ZNF407: variants seen among roughly 807,000 people sequenced by gnomAD.
The protein encoded by ZNF407 is zinc finger protein 407.
ZNF407 carries 17 observed loss-of-function variants against 131.2 expected under a neutral mutation model. The ratio of observed to expected loss-of-function variants is 0.13; its 90% CI spans 0.09 to 0.19. The LOEUF (loss-of-function observed/expected upper bound fraction) is 0.19. ZNF407 is among the 10% of genes least tolerant of loss of function. The pLI, the probability that ZNF407 is intolerant of heterozygous loss-of-function variation, is 1.00. For missense variants in ZNF407, 2,681 were observed against 2,830.6 expected, an observed-to-expected ratio of 0.95 and a Z score of 1.20; for synonymous variants, 1,156 against 1,062.0, an observed-to-expected ratio of 1.09 and a Z score of -1.72.
At chr18:75,040,391 TA>T (rs1031238788) in intron 8 of ZNF407, among the ~76,000 whole-genome samples, 18 of 152,134 alleles carry the variant, frequency 1.2e-4, no homozygotes, top group Non-Finnish European at 2.2e-4. Context: ...TTTAATATAC[TA>T]AAAAAAGATA....
intron 3 of ZNF407, among the ~76,000 whole-genome samples, chr18:74,725,495 T>C (rs1028487892): frequency 2.0e-5 from 3 of 152,224 alleles, no homozygotes; most frequent in Non-Finnish European, 4.4e-5. Flanking sequence ...CTTTAGTATA[T>C]CACTTTTTTT....
intron 8 of ZNF407, among the ~76,000 whole-genome samples, chr18:74,999,070 C>T (rs1290248460): frequency 1.2e-3 from 31 of 25,740 alleles, no homozygotes; most frequent in African/African-American, 5.1e-3. Context: ...AAATTGGAAA[C>T]CATCATTCTC....
chr18:74,752,587 A>G (rs974116076), intron 3 of ZNF407, among the ~76,000 whole-genome samples: 5 of 152,168 alleles, frequency 3.3e-5, no homozygotes, highest in African/African-American at 1.2e-4. Context: ...TCAGCTTTCT[A>G]CATATGGCTA....
intron 4 of ZNF407, among the ~76,000 whole-genome samples, chr18:74,855,998 C>T (rs942675116): frequency 1.3e-5 from 2 of 152,210 alleles, no homozygotes; most frequent in Non-Finnish European, 2.9e-5. Context: ...AGAGTCTTCC[C>T]TTTTGTTTAC....
At chr18:74,951,464 A>G (rs1049810489) in intron 8 of ZNF407, among the ~76,000 whole-genome samples, 6 of 152,326 alleles carry the variant, frequency 3.9e-5, no homozygotes, top group African/African-American at 1.4e-4. Flanking sequence ...ACTGAGCGTG[A>G]GTTCTCAGTA....
intron 3 of ZNF407, among the ~76,000 whole-genome samples, chr18:74,665,439 C>T (rs1254657720): frequency 6.6e-6 from 1 of 152,148 alleles, no homozygotes; most frequent in African/African-American, 2.4e-5. Context: ...GATCACCTTC[C>T]TCCCTTAAAA....
chr18:75,064,029 C>T lies in ZNF407; in HGVS notation c.6308C>T (p.Thr2103Ile), dbSNP rs754828472. ...AAGQLVKDGVTQVVVSEEGAV... is the reference protein window; with the variant it reads ...AAGQLVKDGVIQVVVSEEGAV... ...GGCCAGTTGGTCAAGGACGGTGTCA[C>T]CCAGGTGGTGGTGAGCGAAGAGGGT... is the stretch of plus-strand genomic sequence containing the variant. The change falls in exon 9 of 9, where the codon ACC (threonine) becomes ATC (isoleucine). Residue 2103 changes from threonine to isoleucine, a missense_variant. This residue lies in a region of ZNF407 where 620 missense variants were observed against 583.1 expected (regional missense o/e 1.06). Transcript: ENST00000299687. 1.9e-6 allele frequency: 3 copies of T among 1,604,142 alleles called. No homozygotes were observed. Among genetic ancestry groups the T allele is most frequent in the Non-Finnish European group, 2.6e-6 (3 of 1,175,922 alleles).
intron 8 of ZNF407, among the ~76,000 whole-genome samples, chr18:75,013,820 T>C (rs1973012286): frequency 6.6e-6 from 1 of 152,156 alleles, no homozygotes; most frequent in Non-Finnish European, 1.5e-5. Context: ...CTTATGTTTT[T>C]ATCTGCTGTG....
intron 3 of ZNF407, among the ~76,000 whole-genome samples, chr18:74,696,263 A>G (rs1967353683): frequency 6.6e-6 from 1 of 152,200 alleles, no homozygotes; most frequent in Non-Finnish European, 1.5e-5. Flanking sequence ...TGGTAGTTTC[A>G]AAAATTAAAC....
chr18:74,986,761 G>A (rs1465655405), intron 8 of ZNF407, among the ~76,000 whole-genome samples: 1 of 152,130 alleles, frequency 6.6e-6, no homozygotes, highest in African/African-American at 2.4e-5. Context: ...ACACACAAAC[G>A]CACACACACT....
chr18:74,712,124 G>C (rs559379027), intron 3 of ZNF407, among the ~76,000 whole-genome samples: 3 of 152,212 alleles, frequency 2.0e-5, no homozygotes, highest in Non-Finnish European at 4.4e-5. Context: ...GGAAGGCCTT[G>C]TGCTTGCTCA....
In ZNF407 at chr18:74,635,140, A is replaced by C. The variant is rs756449550; in HGVS notation, c.4121A>C (p.Gln1374Pro). 2.2e-5 allele frequency: 36 copies of C among 1,613,956 alleles called. No homozygotes were observed. The highest frequency in any genetic ancestry group is 2.0e-5 in the Non-Finnish European group (24 of 1,179,914). The change falls in exon 2 of 9, where the codon CAG becomes CCG. Residue 1374 changes from glutamine to proline, a missense_variant. Gln to Pro is a moderately conservative substitution (Grantham distance 76, BLOSUM62 -1). Transcript: ENST00000299687. This position sits in a 1 kb window ranked among gnomAD's most constrained non-coding sequence, Gnocchi z 4.7. ...KNPEDGELID[Q>P]SEEGLIATGV... ...CCTGAAGATGGTGAGTTGATAGACCAGTCTGAAGAGGGCTTGATAGCAACG... is the reference window on the plus strand; with the variant it reads ...CCTGAAGATGGTGAGTTGATAGACCCGTCTGAAGAGGGCTTGATAGCAACG...
At chr18:74,788,792 T>C (rs529803099) in intron 4 of ZNF407, among the ~76,000 whole-genome samples, 56 of 149,560 alleles carry the variant, frequency 3.7e-4, no homozygotes, top group African/African-American at 1.3e-3. Flanking sequence ...CTGAGTATTA[T>C]TTTATTTATA....
intron 3 of ZNF407, among the ~76,000 whole-genome samples, chr18:74,654,621 A>C (rs1451670862): frequency 1.3e-5 from 2 of 151,852 alleles, no homozygotes; most frequent in African/African-American, 4.8e-5. Context: ...ATGATAGAAA[A>C]CTATAAGTAG....
At chr18:75,056,895 T>C (rs1973568069) in intron 8 of ZNF407, among the ~76,000 whole-genome samples, 1 of 152,246 alleles carries the variant, frequency 6.6e-6, no homozygotes, top group Non-Finnish European at 1.5e-5. Flanking sequence ...ATGGCTCTAA[T>C]TTATTAGCAT....
intron 3 of ZNF407, among the ~76,000 whole-genome samples, chr18:74,767,473 G>A (rs931064891): frequency 2.0e-5 from 3 of 151,772 alleles, no homozygotes; most frequent in African/African-American, 7.3e-5. Context: ...TTATTATTAA[G>A]TGCATCCTAT....
At chr18:74,812,873 A>G (rs1190229957) in intron 4 of ZNF407, among the ~76,000 whole-genome samples, 5 of 151,986 alleles carry the variant, frequency 3.3e-5, no homozygotes, top group Non-Finnish European at 5.9e-5. Context: ...AAGCCATCCA[A>G]TGAATTCTTG....
intron 1 of ZNF407, among the ~76,000 whole-genome samples, chr18:74,626,097 C>T (rs28373904): frequency 0.16 from 25,065 of 152,094 alleles, 2,335 homozygotes; most frequent in African/African-American, 0.26. Context: ...AATTAAGAAA[C>T]AGCCAAAAGA....
intron 3 of ZNF407, among the ~76,000 whole-genome samples, chr18:74,779,095 A>ATG (rs1969538182): frequency 3.2e-5 from 1 of 31,608 alleles, no homozygotes; most frequent in African/African-American, 9.9e-5. Flanking sequence ...TGGCATATAT[A>ATG]TATATATATA....
Sources: gnomAD v4.1 joint callset for allele counts (sites outside exome capture counted in the v4.1 genomes callset) on GRCh38, gnomAD v4.1.1 for gene constraint, gnomAD v4.1.1 regional missense constraint, Gnocchi (gnomAD v3.1) non-coding constraint, MANE v1.5 for transcripts, NCBI Gene and HGNC (gene_info 2026-07-23, HGNC 2026-07-21) for gene names.